The following FHIT variants were observed in gnomAD, a reference collection of about 807,000 sequenced individuals.
FHIT encodes bis(5'-adenosyl)-triphosphatase.
In FHIT, 19 loss-of-function variants were observed where a neutral mutation model predicts 17.9. That is an observed-to-expected ratio of 1.06 (90% CI 0.74 to 1.56). FHIT has a LOEUF of 1.56. Ranked by LOEUF, FHIT falls within the 40% of genes most tolerant of loss-of-function variation. FHIT has a pLI of 0.00. For missense variants in FHIT, 248 were observed against 189.2 expected, an observed-to-expected ratio of 1.31 and a Z score of -1.82; for synonymous variants, 81 against 69.7, an observed-to-expected ratio of 1.16 and a Z score of -0.81.
At chr3:60,394,228 G>A (rs903150749) in intron 5 of FHIT, among the ~76,000 whole-genome samples, 10 of 152,106 alleles carry the variant, frequency 6.6e-5, no homozygotes, top group African/African-American at 2.4e-4. Flanking sequence ...GGAGAGCCTT[G>A]AGGGCTAATC....
At chr3:60,068,324 G>A (rs1702611516) in intron 5 of FHIT, among the ~76,000 whole-genome samples, 1 of 152,170 alleles carries the variant, frequency 6.6e-6, no homozygotes, top group African/African-American at 2.4e-5. Flanking sequence ...TTTCCCAAAG[G>A]GGCATAAAAC....
chr3:60,305,199 A>T (rs1708617329), intron 5 of FHIT, among the ~76,000 whole-genome samples: 1 of 152,112 alleles, frequency 6.6e-6, no homozygotes, highest in South Asian at 2.1e-4. Flanking sequence ...GGTCAGGCAG[A>T]GATGAAAGGA....
intron 4 of FHIT, among the ~76,000 whole-genome samples, chr3:60,760,071 C>A (rs1425129174): frequency 6.6e-6 from 1 of 151,566 alleles, no homozygotes; most frequent in African/African-American, 2.4e-5. Flanking sequence ...CTTTCCATTT[C>A]TCTCTTTCCT....
At chr3:61,070,374 A>G (rs939942086) in intron 2 of FHIT, among the ~76,000 whole-genome samples, 2 of 152,212 alleles carry the variant, frequency 1.3e-5, no homozygotes, top group African/African-American at 2.4e-5. Context: ...AGCTCAGAGA[A>G]GAGGTAGATG....
chr3:60,914,339 G>A (rs1003552817), intron 3 of FHIT, among the ~76,000 whole-genome samples: 1 of 152,058 alleles, frequency 6.6e-6, no homozygotes, highest in Non-Finnish European at 1.5e-5. Context: ...TTAAGTAGCA[G>A]TGCCAGATAA....
chr3:60,479,603 A>T (rs1359028355), intron 5 of FHIT, among the ~76,000 whole-genome samples: 1 of 152,206 alleles, frequency 6.6e-6, no homozygotes, highest in Non-Finnish European at 1.5e-5. Flanking sequence ...AGGGGTCCCC[A>T]ACCCCCTGGC....
chr3:60,090,342 C>A (rs1703677715), intron 5 of FHIT, among the ~76,000 whole-genome samples: 1 of 152,158 alleles, frequency 6.6e-6, no homozygotes, highest in African/African-American at 2.4e-5. Flanking sequence ...TCAGACCATT[C>A]TACAGCTTGG....
chr3:60,808,961 T>C (rs1701486161), intron 4 of FHIT, among the ~76,000 whole-genome samples: 1 of 152,216 alleles, frequency 6.6e-6, no homozygotes, highest in Non-Finnish European at 1.5e-5. Flanking sequence ...TTTTTGTATG[T>C]GAGATCTGTG....
chr3:60,097,865 G>A (rs9868048), intron 5 of FHIT, among the ~76,000 whole-genome samples: 6 of 84,922 alleles, frequency 7.1e-5, no homozygotes, highest in African/African-American at 2.0e-4. Context: ...CCCTCCCCCC[G>A]CCCCCCACCC....
At chr3:59,826,580 G>A (rs943897949) in intron 8 of FHIT, among the ~76,000 whole-genome samples, 2 of 152,228 alleles carry the variant, frequency 1.3e-5, no homozygotes, top group African/African-American at 4.8e-5. Context: ...ACCCTTCAGT[G>A]CCTTTATTCA....
chr3:59,866,242 G>A (rs1702643051), intron 8 of FHIT, among the ~76,000 whole-genome samples: 2 of 151,962 alleles, frequency 1.3e-5, no homozygotes. Context: ...CAAGCCATGT[G>A]AGATCCAGGA....
intron 8 of FHIT, among the ~76,000 whole-genome samples, chr3:59,813,693 T>C (rs1284975741): frequency 3.9e-5 from 6 of 152,194 alleles, no homozygotes; most frequent in South Asian, 2.1e-4. Context: ...TAGGATGGTT[T>C]TTTAGGGGTG....
intron 4 of FHIT, among the ~76,000 whole-genome samples, chr3:60,764,077 T>C (rs1699759369): frequency 6.6e-6 from 1 of 152,092 alleles, no homozygotes; most frequent in Admixed American, 6.6e-5. Context: ...CACAGCAAAT[T>C]AGTGGTACGA....
intron 4 of FHIT, among the ~76,000 whole-genome samples, chr3:60,602,453 T>C (rs2038475338): frequency 6.6e-6 from 1 of 152,102 alleles, no homozygotes; most frequent in South Asian, 2.1e-4. Context: ...AGGTAATAGG[T>C]AGATATTCTC....
At chr3:60,437,700 G>A (rs919971392) in intron 5 of FHIT, among the ~76,000 whole-genome samples, 1 of 152,010 alleles carries the variant, frequency 6.6e-6, no homozygotes, top group Non-Finnish European at 1.5e-5. Flanking sequence ...TGTCATATGA[G>A]GGTATGTAGT....
chr3:61,209,109 G>A (rs1229382486), intron 1 of FHIT, among the ~76,000 whole-genome samples: 2 of 152,100 alleles, frequency 1.3e-5, no homozygotes, highest in Non-Finnish European at 2.9e-5. Flanking sequence ...ATGCTGGGTT[G>A]AAAATTCTTT....
intron 1 of FHIT, among the ~76,000 whole-genome samples, chr3:61,214,647 A>T (rs1057065734): frequency 1.3e-5 from 2 of 152,106 alleles, no homozygotes; most frequent in African/African-American, 4.8e-5. Flanking sequence ...ATCCTCCCTA[A>T]CTCATTTTAT....
At chr3:59,796,694 G>C (rs1489873076) in intron 8 of FHIT, among the ~76,000 whole-genome samples, 1 of 152,162 alleles carries the variant, frequency 6.6e-6, no homozygotes, top group South Asian at 2.1e-4. Context: ...TTCTATGTCA[G>C]TTCACACTGG....
chr3:59,908,845 T>A (rs988371500), intron 8 of FHIT, among the ~76,000 whole-genome samples: 1 of 150,776 alleles, frequency 6.6e-6, no homozygotes, highest in Non-Finnish European at 1.5e-5. Flanking sequence ...GAACATTTCA[T>A]TTTTTAATAG....
Sources: allele counts gnomAD v4.1 joint callset (sites outside exome capture counted in the v4.1 genomes callset), GRCh38; gene constraint gnomAD v4.1.1; transcripts MANE v1.5; gene names NCBI Gene and HGNC (gene_info 2026-07-23, HGNC 2026-07-21).